LUZP1: variants seen among roughly 807,000 people sequenced by gnomAD.
LUZP1 encodes the protein leucine zipper protein 1.
A neutral mutation model predicts 71.3 loss-of-function variants in LUZP1; 25 were observed. The ratio of observed to expected loss-of-function variants is 0.35; its 90% confidence interval spans 0.26 to 0.49. The LOEUF (loss-of-function observed/expected upper bound fraction) is 0.49. LUZP1 is among the 20% of genes least tolerant of loss of function. The pLI, the probability that LUZP1 is intolerant of heterozygous loss-of-function variation, is 0.99. For synonymous variants in LUZP1, 481 were observed against 506.4 expected (o/e 0.95, Z 0.67); for missense variants, 1,142 against 1,300.8 (o/e 0.88, Z 1.88).
chr1:23,117,482 C>CCG (rs1644091178), intron 2 of LUZP1, among the ~76,000 whole-genome samples: 1 of 34,956 alleles, frequency 2.9e-5, no homozygotes, highest in Non-Finnish European at 5.5e-5. Context: ...TCTCTCCCCC[C>CCG]CCCCCCCCCA....
At chr1:23,096,199 T>C (rs614612) in intron 3 of LUZP1, among the ~76,000 whole-genome samples, 121,571 of 151,162 alleles carry the variant, frequency 0.8, 49,257 homozygotes, top group Non-Finnish European at 0.84. Flanking sequence ...GAAAGTTAAC[T>C]AAATACAACA....
In LUZP1 at chr1:23,142,254, A is replaced by G. The variant is rs1267856783; in HGVS notation, c.-226+26512T>C. 4.6e-5 allele frequency among the ~76,000 whole-genome samples: 7 copies of G among 152,144 alleles called. No homozygotes were observed. The East Asian group carries it at 1.2e-3, about 25-fold the overall frequency. The stretch of plus-strand genomic sequence containing the variant: ...AGTAATCCTCCTGCCTTAGACTCCC[A>G]AAGTGCTGGGATTACAGGCATAAAC... On this transcript the variant is annotated intron_variant, in intron 2 of 4. Transcript: ENST00000302291.
intron 2 of LUZP1, among the ~76,000 whole-genome samples, chr1:23,160,050 T>C (rs34001997): frequency 0.069 from 10,446 of 152,280 alleles, 502 homozygotes; most frequent in South Asian, 0.12. Context: ...TGTAGTTTCA[T>C]CAGAAAAGCC....
At chr1:23,087,231 G>A (rs938450529) in exon 5 of LUZP1, 1 of 152,096 alleles carries the variant, frequency 6.6e-6, no homozygotes, top group Non-Finnish European at 1.5e-5. Context: ...ACAGGCCCAC[G>A]GAGCTTCTCT....
chr1:23,103,828 A>AAGAGAGGG (rs762161032), intron 3 of LUZP1, among the ~76,000 whole-genome samples: 15 of 55,260 alleles, frequency 2.7e-4, no homozygotes, highest in African/African-American at 9.3e-4. Context: ...GGGAGGGAGG[A>AAGAGAGGG]AGAGAGGGAG....
At chr1:23,159,093 C>T (rs745610008) in intron 2 of LUZP1, among the ~76,000 whole-genome samples, 5 of 152,076 alleles carry the variant, frequency 3.3e-5, no homozygotes, top group Non-Finnish European at 5.9e-5. Flanking sequence ...GTAACCCCAG[C>T]ACTTTGGGAG....
At chr1:23,107,312 CTGTT>C (rs1390895019) in intron 3 of LUZP1, among the ~76,000 whole-genome samples, 1 of 151,764 alleles carries the variant, frequency 6.6e-6, no homozygotes, top group Non-Finnish European at 1.5e-5. Context: ...GTCTACTCAC[CTGTT>C]TATTTATTTA....
chr1:23,152,953 C>A (rs1300004065), intron 2 of LUZP1, among the ~76,000 whole-genome samples: 3 of 152,108 alleles, frequency 2.0e-5, no homozygotes, highest in African/African-American at 4.8e-5. Flanking sequence ...TCTTCCCATT[C>A]CACTTGCTAA....
intron 2 of LUZP1, among the ~76,000 whole-genome samples, chr1:23,116,947 T>C (rs1356940815): frequency 1.3e-5 from 2 of 152,208 alleles, no homozygotes; most frequent in African/African-American, 2.4e-5. Flanking sequence ...AAATGGAAGA[T>C]TAAAATGCCC....
chr1:23,175,964 G>A (rs1008653726), intron 1 of LUZP1, among the ~76,000 whole-genome samples: 2 of 151,814 alleles, frequency 1.3e-5, no homozygotes, highest in African/African-American at 4.8e-5. Flanking sequence ...GCAAAATTGG[G>A]ATTTTAACCC....
At chr1:23,127,812 C>T (rs1001929063) in intron 2 of LUZP1, among the ~76,000 whole-genome samples, 2 of 151,888 alleles carry the variant, frequency 1.3e-5, no homozygotes, top group African/African-American at 2.4e-5. Flanking sequence ...CGTGAGCCAC[C>T]GCACCAGGCC....
intron 2 of LUZP1, among the ~76,000 whole-genome samples, chr1:23,136,018 C>A (rs1557669541): frequency 6.6e-6 from 1 of 152,006 alleles, no homozygotes; most frequent in African/African-American, 2.4e-5. Context: ...ACAACCTGAC[C>A]CAGAAACATA....
At chr1:23,104,905 T>C (rs1427717727) in intron 3 of LUZP1, among the ~76,000 whole-genome samples, 3 of 152,178 alleles carry the variant, frequency 2.0e-5, no homozygotes, top group African/African-American at 7.2e-5. Flanking sequence ...CTAGAAGGAC[T>C]ATGGCTAAGA....
intron 2 of LUZP1, among the ~76,000 whole-genome samples, chr1:23,161,842 C>T (rs1339657062): frequency 6.6e-6 from 1 of 151,830 alleles, no homozygotes; most frequent in African/African-American, 2.4e-5. Context: ...GCCAACATAA[C>T]ATGGTGAAAC....
At chr1:23,161,516 T>A (rs1194743930) in intron 2 of LUZP1, among the ~76,000 whole-genome samples, 1 of 152,134 alleles carries the variant, frequency 6.6e-6, no homozygotes, top group Non-Finnish European at 1.5e-5. Flanking sequence ...TCTCAGCTAC[T>A]CTGGAGGCCA....
intron 2 of LUZP1, among the ~76,000 whole-genome samples, chr1:23,161,808 G>A (rs1301788202): frequency 1.3e-5 from 2 of 151,924 alleles, no homozygotes; most frequent in Non-Finnish European, 2.9e-5. Flanking sequence ...TGGATCAAGA[G>A]GTCAGGAGTT....
At chr1:23,124,358 G>C (rs1644154028) in intron 2 of LUZP1, among the ~76,000 whole-genome samples, 1 of 152,154 alleles carries the variant, frequency 6.6e-6, no homozygotes, top group Admixed American at 6.6e-5. Flanking sequence ...CCCAACTCTG[G>C]TATCTTCTGC....
chr1:23,142,997 C>T (rs980842523), intron 2 of LUZP1, among the ~76,000 whole-genome samples: 2 of 151,796 alleles, frequency 1.3e-5, no homozygotes, highest in African/African-American at 2.4e-5. Flanking sequence ...GGTAAGACTT[C>T]GTCTCTATTT....
chr1:23,149,431 G>T (rs560629946), intron 2 of LUZP1, among the ~76,000 whole-genome samples: 18 of 152,238 alleles, frequency 1.2e-4, no homozygotes, highest in African/African-American at 4.3e-4. Context: ...GCCTTATCAG[G>T]CTAGATGGGG....
Sources: gnomAD v4.1 joint callset for allele counts (sites outside exome capture counted in the v4.1 genomes callset) on GRCh38, gnomAD v4.1.1 for gene constraint, MANE v1.5 for transcripts, NCBI Gene and HGNC (gene_info 2026-07-23, HGNC 2026-07-21) for gene names.